Variants in ATG5 observed in about 807,000 individuals in gnomAD.
ATG5 encodes autophagy protein 5.
A neutral mutation model predicts 36.5 loss-of-function variants in ATG5; 14 were observed. The observed-to-expected ratio is 0.38, with a 90% CI of 0.25 to 0.60. ATG5 has a LOEUF of 0.60. Among genes scored for constraint, ATG5 ranks in the 20% least tolerant of loss-of-function variants. The pLI, the probability that ATG5 is intolerant of heterozygous loss-of-function variation, is 0.60. For missense variants in ATG5, 195 were observed against 326.7 expected, an observed-to-expected ratio of 0.60 and a Z score of 3.11; for synonymous variants, 95 against 101.5, an observed-to-expected ratio of 0.94 and a Z score of 0.38.
At chr6:106,299,256 T>C (rs501804) in intron 3 of ATG5, among the ~76,000 whole-genome samples, 6,774 of 152,312 alleles carry the variant, frequency 0.044, 417 homozygotes, top group East Asian at 0.25. Flanking sequence ...CTTTAAATTA[T>C]TGCTAGATTA....
chr6:106,200,161 G>GA (rs1776362137), intron 7 of ATG5, among the ~76,000 whole-genome samples: 1 of 152,128 alleles, frequency 6.6e-6, no homozygotes, highest in Admixed American at 6.5e-5. Flanking sequence ...TTCTCAGGCT[G>GA]AATGACACAT....
At chr6:106,192,801 C>T (rs1221327064) in intron 7 of ATG5, among the ~76,000 whole-genome samples, 1 of 152,144 alleles carries the variant, frequency 6.6e-6, no homozygotes, top group African/African-American at 2.4e-5. Flanking sequence ...GAGCGACGAG[C>T]TTTCTGATTA....
intron 3 of ATG5, among the ~76,000 whole-genome samples, chr6:106,303,960 G>A (rs1770319628): frequency 1.3e-5 from 2 of 148,254 alleles, no homozygotes; most frequent in Admixed American, 6.8e-5. Context: ...AGAAGTTCTA[G>A]CTACTCCAAT....
At chr6:106,266,750 C>A (rs770021837) in intron 5 of ATG5, among the ~76,000 whole-genome samples, 1 of 152,120 alleles carries the variant, frequency 6.6e-6, no homozygotes, top group East Asian at 1.9e-4. Context: ...ATGACAAAAA[C>A]CACATGATTC....
At chr6:106,251,530 A>G (rs1188548648) in intron 5 of ATG5, among the ~76,000 whole-genome samples, 3 of 149,290 alleles carry the variant, frequency 2.0e-5, no homozygotes, top group Admixed American at 6.7e-5. Context: ...CACGATAAAA[A>G]AAAAATCTGT....
chr6:106,252,694 A>G (rs1457622067), intron 5 of ATG5, among the ~76,000 whole-genome samples: 1 of 152,244 alleles, frequency 6.6e-6, no homozygotes, highest in African/African-American at 2.4e-5. Flanking sequence ...GACATGGAGG[A>G]CATATAAGGA....
intron 3 of ATG5, among the ~76,000 whole-genome samples, chr6:106,306,910 CAAG>C (rs1258752514): frequency 6.6e-6 from 1 of 152,106 alleles, no homozygotes; most frequent in Admixed American, 6.5e-5. Flanking sequence ...TAGAACTACA[CAAG>C]AAGAATCAGA....
At chr6:106,312,360 G>A (rs1401630644) in intron 2 of ATG5, among the ~76,000 whole-genome samples, 1 of 151,976 alleles carries the variant, frequency 6.6e-6, no homozygotes, top group East Asian at 1.9e-4. Flanking sequence ...TTTTTGGGGG[G>A]AAAGCTGATG....
intron 3 of ATG5, among the ~76,000 whole-genome samples, chr6:106,298,957 A>C (rs1770094118): frequency 6.6e-6 from 1 of 152,210 alleles, no homozygotes. Flanking sequence ...TTCTAAACAG[A>C]TATTATATAC....
chr6:106,191,976 A>G (rs1343146111), intron 7 of ATG5, among the ~76,000 whole-genome samples: 5 of 152,196 alleles, frequency 3.3e-5, no homozygotes, highest in Non-Finnish European at 7.3e-5. Context: ...TGAATTATTC[A>G]GTTCCATTTT....
At chr6:106,245,894 T>A (rs2114506635) in intron 6 of ATG5, among the ~76,000 whole-genome samples, 2 of 152,146 alleles carry the variant, frequency 1.3e-5, no homozygotes, top group Admixed American at 1.3e-4. Flanking sequence ...TATAAAGAAG[T>A]CAGCAACAGA....
intron 6 of ATG5, among the ~76,000 whole-genome samples, chr6:106,246,427 C>T (rs995926577): frequency 6.7e-6 from 1 of 149,970 alleles, no homozygotes; most frequent in African/African-American, 2.5e-5. Context: ...CACACACACA[C>T]ACACCCTTTC....
intron 5 of ATG5, among the ~76,000 whole-genome samples, chr6:106,250,045 T>C (rs1006091809): frequency 1.3e-5 from 2 of 151,966 alleles, no homozygotes; most frequent in South Asian, 4.1e-4. Flanking sequence ...CATTGTTTTT[T>C]AAGCAACTCC....
chr6:106,211,676 C>T (rs1776856804), intron 6 of ATG5, among the ~76,000 whole-genome samples: 1 of 152,198 alleles, frequency 6.6e-6, no homozygotes, highest in Admixed American at 6.5e-5. Context: ...TGTCACTGCA[C>T]TCCAGCCTGG....
chr6:106,292,275 C>G (rs568717397), intron 4 of ATG5, among the ~76,000 whole-genome samples: 1 of 152,168 alleles, frequency 6.6e-6, no homozygotes, highest in East Asian at 1.9e-4. Flanking sequence ...AATTACTGTT[C>G]GTAATCAATT....
intron 6 of ATG5, among the ~76,000 whole-genome samples, chr6:106,234,590 T>C (rs1351272694): frequency 6.6e-6 from 1 of 152,234 alleles, no homozygotes; most frequent in Non-Finnish European, 1.5e-5. Context: ...CTGTGGTACC[T>C]TAGCCTATCG....
intron 2 of ATG5, among the ~76,000 whole-genome samples, chr6:106,315,558 T>C (rs1464555338): frequency 1.3e-5 from 2 of 151,974 alleles, no homozygotes; most frequent in Non-Finnish European, 2.9e-5. Flanking sequence ...ATATTAAATA[T>C]ATATTACATA....
At chr6:106,252,530 T>A (rs1435510585) in intron 5 of ATG5, among the ~76,000 whole-genome samples, 1 of 152,174 alleles carries the variant, frequency 6.6e-6, no homozygotes, top group African/African-American at 2.4e-5. Context: ...CCAAGTTAAT[T>A]TGTATTCTTT....
chr6:106,239,112 T>C (rs1778008099), intron 6 of ATG5, among the ~76,000 whole-genome samples: 1 of 152,130 alleles, frequency 6.6e-6, no homozygotes, highest in Non-Finnish European at 1.5e-5. Context: ...ACCATCATTA[T>C]TCAGCACAGT....
Sources: gnomAD v4.1 joint callset for allele counts (sites outside exome capture counted in the v4.1 genomes callset) on GRCh38, gnomAD v4.1.1 for gene constraint, MANE v1.5 for transcripts, NCBI Gene and HGNC (gene_info 2026-07-23, HGNC 2026-07-21) for gene names.